Variants in CD163L1 observed in about 807,000 individuals in gnomAD.
CD163L1 encodes scavenger receptor cysteine-rich type 1 protein M160.
CD163L1 carries 124 observed loss-of-function variants against 165.4 expected under a neutral mutation model. The ratio of observed to expected loss-of-function variants is 0.75; its 90% confidence interval spans 0.65 to 0.87. The LOEUF (loss-of-function observed/expected upper bound fraction) is 0.87, where lower values mean the gene tolerates loss of function less well. Among genes scored for constraint, CD163L1 ranks in the 40% least tolerant of loss-of-function variants. The pLI is 0.00. For missense variants in CD163L1, 1,525 were observed against 1,799.9 expected, an observed-to-expected ratio of 0.85 and a Z score of 2.76; for synonymous variants, 585 against 662.2, an observed-to-expected ratio of 0.88 and a Z score of 1.79.
In CD163L1 at chr12:7,373,677, C is replaced by T. The variant is rs929743341; in HGVS notation, c.3410-37G>A. The T allele has an allele frequency of 2.6e-6, 4 of 1,511,018 alleles. No individual in the cohort carries two copies. The South Asian group carries it at 4.0e-5, about 15-fold the overall frequency. The allele number at this position is 1,511,018 out of a possible 1,614,324, so 93.6% of individuals were successfully genotyped here. A position where few individuals can be genotyped will look rare whatever the true frequency, so the allele number is the denominator to read the frequency against. On this transcript the variant is annotated intron_variant, in intron 13 of 19. Coordinates refer to ENST00000313599, the MANE Select transcript of CD163L1 (RefSeq NM_174941.6). ...TACAAAACTTAGTATTAAATATTTCCTTTGGAGTTGGAAAATCCCTCCCCA... is the reference window on the plus strand; with the variant it reads ...TACAAAACTTAGTATTAAATATTTCTTTTGGAGTTGGAAAATCCCTCCCCA...
intron 4 of CD163L1, among the ~76,000 whole-genome samples, chr12:7,421,619 GTACATATA>G (rs1240250970): frequency 1.4e-3 from 4 of 2,848 alleles, no homozygotes; most frequent in Non-Finnish European, 2.6e-3. Flanking sequence ...ATACATATAT[GTACATATA>G]TACATATATG....
At chr12:7,441,284 C>A (rs1173897425) in intron 1 of CD163L1, 38 bp from the exon 2 acceptor site, 3 of 1,475,312 alleles carry the variant, frequency 2.0e-6, no homozygotes, top group South Asian at 2.3e-5. Context: ...AATTTCATGT[C>A]TTTCTAAGAA....
chr12:7,335,697 AAAC>A, the CD163L1 span, among the ~76,000 whole-genome samples: 1 of 152,226 alleles, frequency 6.6e-6, no homozygotes, highest in Non-Finnish European at 1.5e-5. Flanking sequence ...ACAGCAAAAG[AAAC>A]TACCATCAGA....
intron 2 of CD163L1, among the ~76,000 whole-genome samples, chr12:7,440,579 T>C (rs1487349057): frequency 2.0e-5 from 3 of 152,212 alleles, no homozygotes; most frequent in Admixed American, 2.0e-4. Flanking sequence ...ACAATATCCA[T>C]ATTTTTTCAG....
chr12:7,373,994 A>T (rs1454303453), intron 13 of CD163L1, among the ~76,000 whole-genome samples: 1 of 152,236 alleles, frequency 6.6e-6, no homozygotes, highest in Non-Finnish European at 1.5e-5. Context: ...ATGGGTTCTT[A>T]GTTTCTGCTT....
chr12:7,438,631 C>T, intron 2 of CD163L1: 1 of 476,908 alleles, frequency 2.1e-6, no homozygotes, highest in Non-Finnish European at 3.7e-6. Flanking sequence ...AAGAGATAAG[C>T]TGCAGTGTCC....
intron 8 of CD163L1, among the ~76,000 whole-genome samples, chr12:7,382,071 T>C (rs1947422734): frequency 6.7e-6 from 1 of 148,322 alleles, no homozygotes; most frequent in African/African-American, 2.4e-5. Context: ...TTATTTTAAA[T>C]ATATATATAC....
Position 7,372,404 on chromosome 12 carries a change from C to A in CD163L1, c.3730+916G>T, listed in dbSNP as rs1947163559. ...ACCTTCAGATATAATCAGAGATTCA[C>A]CGAAAATGAATAAGGATGCTTATAA... On this transcript the variant is annotated intron_variant, in intron 14 of 19. Coordinates refer to ENST00000313599, the MANE Select transcript of CD163L1 (RefSeq NM_174941.6). The surrounding 1 kb of genome is among the most constrained non-coding windows in gnomAD (Gnocchi z 4.2). 6.6e-6 allele frequency among the ~76,000 whole-genome samples: 1 copy of A among 151,870 alleles called. No individual in the cohort carries two copies. The highest frequency in any genetic ancestry group is 2.1e-4 in the South Asian group (1 of 4,820).
rs781744619 is a variant in CD163L1 at position 7,374,142 on chromosome 12, C to T, written c.3409+300G>A. 1.2e-3 allele frequency among the ~76,000 whole-genome samples: 190 copies of T among 152,258 alleles called. 1 individual carries two copies. Among genetic ancestry groups the T allele is most frequent in the African/African-American group, 4.2e-3 (174 of 41,552 alleles). On this transcript the variant is annotated intron_variant, in intron 13 of 19. Transcript: ENST00000313599. This position sits in a 1 kb window ranked among gnomAD's most constrained non-coding sequence, Gnocchi z 5.4. ...ACAACAAAATAAGGCAGATTGGACA[C>T]GGTTGACAGTGTGTTCTCAGAGCCA...
downstream of CD163L1, among the ~76,000 whole-genome samples, chr12:7,350,360 G>C (rs938532095): frequency 1.3e-5 from 2 of 152,190 alleles, no homozygotes; most frequent in Non-Finnish European, 2.9e-5. Context: ...TAACTTTAGA[G>C]AGCATCTTTA....
chr12:7,367,680 C>T, intron 17 of CD163L1: 1 of 223,512 alleles, frequency 4.5e-6, no homozygotes. Flanking sequence ...TAGTTTCTAG[C>T]CAAAGGCCAC....
At chr12:7,389,897 T>C (rs1054485773) in intron 8 of CD163L1, among the ~76,000 whole-genome samples, 1 of 148,996 alleles carries the variant, frequency 6.7e-6, no homozygotes, top group Non-Finnish European at 1.5e-5. Flanking sequence ...AGCCATGATA[T>C]GAAATCAACC....
the CD163L1 span, chr12:7,324,431 C>A: frequency 6.2e-7 from 1 of 1,613,930 alleles, no homozygotes; most frequent in Middle Eastern, 1.7e-4. Flanking sequence ...GAAGAGGTAA[C>A]AATTCGACAG....
At chr12:7,421,619 GTACATATATACATATATGTA>G (rs1948430617) in intron 4 of CD163L1, among the ~76,000 whole-genome samples, 1 of 2,846 alleles carries the variant, frequency 3.5e-4, no homozygotes, top group Non-Finnish European at 1.3e-3. Context: ...ATACATATAT[GTACATATATACATATATGTA>G]CACATATACA....
chr12:7,351,032 A>G (rs763734385), downstream of CD163L1, among the ~76,000 whole-genome samples: 5 of 152,178 alleles, frequency 3.3e-5, no homozygotes, highest in Non-Finnish European at 7.4e-5. Flanking sequence ...ATTTGTAATG[A>G]CTTTTTCTTC....
At chr12:7,412,425 T>C (rs7488360) in intron 4 of CD163L1, among the ~76,000 whole-genome samples, 28,008 of 151,950 alleles carry the variant, frequency 0.18, 3,344 homozygotes, top group African/African-American at 0.34. Context: ...AAGAGAAAAA[T>C]AGAATTGAAA....
intron 5 of CD163L1, among the ~76,000 whole-genome samples, chr12:7,404,322 G>A (rs991787157): frequency 6.6e-6 from 1 of 151,998 alleles, no homozygotes; most frequent in Non-Finnish European, 1.5e-5. Flanking sequence ...CAAAAGGAAT[G>A]CACAATTAGC....
At chr12:7,335,111 T>A in the CD163L1 span, among the ~76,000 whole-genome samples, 1 of 152,282 alleles carries the variant, frequency 6.6e-6, no homozygotes, top group South Asian at 2.1e-4. Flanking sequence ...AAGCTACCAA[T>A]GACTTTCTTC....
At chr12:7,439,997 C>A in intron 2 of CD163L1, 1 of 1,528,394 alleles carries the variant, frequency 6.5e-7, no homozygotes, top group Non-Finnish European at 8.9e-7. Context: ...ATCCTAGCAG[C>A]TCCGCAAACC....
Sources: gnomAD v4.1 joint callset for allele counts (sites outside exome capture counted in the v4.1 genomes callset) on GRCh38, gnomAD v4.1.1 for gene constraint, Gnocchi (gnomAD v3.1) non-coding constraint, MANE v1.5 for transcripts, NCBI Gene and HGNC (gene_info 2026-07-23, HGNC 2026-07-21) for gene names.